PLEKHH1: variants seen among roughly 807,000 people sequenced by gnomAD.
PLEKHH1 encodes pleckstrin homology domain-containing family H member 1.
A neutral mutation model predicts 160.0 loss-of-function variants in PLEKHH1; 104 were observed. The observed-to-expected ratio is 0.65, with a 90% CI of 0.55 to 0.76. The LOEUF (loss-of-function observed/expected upper bound fraction) is 0.76, where lower values mean the gene tolerates loss of function less well. Among genes scored for constraint, PLEKHH1 ranks in the 30% least tolerant of loss-of-function variants. The pLI is 0.00. For synonymous variants in PLEKHH1, 619 were observed against 678.4 expected (o/e 0.91, Z 1.36); for missense variants, 1,427 against 1,724.1 (o/e 0.83, Z 3.05).
rs1181661120 is a variant in PLEKHH1, at chr14:67,588,499, C to A, written c.*1264C>A. 2.0e-5 allele frequency: 3 copies of A among 152,098 alleles called. No individual in the cohort carries two copies. Among genetic ancestry groups the A allele is most frequent in the Admixed American group, 2.0e-4 (3 of 15,264 alleles). The allele number at this position is 152,098 out of a possible 1,614,324, so 9.4% of individuals were successfully genotyped here. On this transcript the variant is annotated 3_prime_UTR_variant, in exon 29 of 29. Transcript: ENST00000329153. ...AAGAGTAGCAGGTAAAAAAAAGTTT[C>A]TTTCATCTTTTGCCTTACTGATAAT...
intron 7 of PLEKHH1, among the ~76,000 whole-genome samples, chr14:67,566,011 C>G (rs1041881400): frequency 5.3e-5 from 8 of 152,082 alleles, no homozygotes; most frequent in African/African-American, 1.9e-4. Context: ...TCTGGCTGCT[C>G]GGGAGCCTGA....
At chr14:67,538,218 A>G (rs973965748) in intron 1 of PLEKHH1, among the ~76,000 whole-genome samples, 6 of 152,178 alleles carry the variant, frequency 3.9e-5, no homozygotes, top group Admixed American at 6.5e-5. Flanking sequence ...CTAGCCTGTT[A>G]GTATGAGATA....
At chr14:67,553,907 G>A (rs1467816029) in intron 2 of PLEKHH1, among the ~76,000 whole-genome samples, 1 of 152,222 alleles carries the variant, frequency 6.6e-6, no homozygotes, top group Non-Finnish European at 1.5e-5. Flanking sequence ...GTTACCGCAA[G>A]AGAGGAAGGA....
chr14:67,568,967 C>G (rs1006056511), intron 7 of PLEKHH1, 171 bp from the exon 8 acceptor site: 2 of 586,352 alleles, frequency 3.4e-6, no homozygotes, highest in Non-Finnish European at 3.0e-6. Flanking sequence ...CCATTTAGAG[C>G]AGAGGAAAAT....
Position 67,555,810 on chromosome 14 carries a change from T to C in PLEKHH1, c.127-15T>C, listed in dbSNP as rs1242775318. The C allele has an allele frequency of 9.9e-6, 16 of 1,612,834 alleles. No homozygotes were observed. The highest frequency in any genetic ancestry group is 1.3e-5 in the Non-Finnish European group (15 of 1,179,418). On this transcript the variant is annotated splice_polypyrimidine_tract_variant and intron_variant, in intron 2 of 28. Transcript: ENST00000329153. ...ACATGGCACCTACATCTCCCCTTTC[T>C]CTCTGGCCAAGCAGATGCAGGAGCT...
chr14:67,587,562 G>A lies in PLEKHH1; in HGVS notation c.*327G>A, dbSNP rs2036228053. The A allele has an allele frequency of 3.0e-6, 1 of 338,090 alleles. No homozygotes were observed. The highest frequency in any genetic ancestry group is 5.6e-6 in the Non-Finnish European group (1 of 178,504). 20.9% of individuals were successfully genotyped at this position (338,090 alleles called of 1,614,324 possible). On this transcript the variant is annotated 3_prime_UTR_variant, in exon 29 of 29. Transcript: ENST00000329153. ...TCAGTGCTATAAGTTAAGGCTTTCT[G>A]CACTGGTACTCTCAAGGAAGCTAAT...
chr14:67,544,819 C>T (rs1317590895), intron 2 of PLEKHH1, among the ~76,000 whole-genome samples: 1 of 152,148 alleles, frequency 6.6e-6, no homozygotes, highest in African/African-American at 2.4e-5. Context: ...GGAAATCATC[C>T]AGAATGCTGC....
chr14:67,542,104 TC>T, intron 2 of PLEKHH1, 111 bp downstream of exon 2: 2 of 1,019,080 alleles, frequency 2.0e-6, no homozygotes, highest in South Asian at 1.7e-5. Flanking sequence ...AAGATGCTTT[TC>T]CCCATATGCA....
In PLEKHH1 at chr14:67,541,985, G is replaced by C. The variant is rs2033984824; in HGVS notation, c.118G>C (p.Ala40Pro). The C allele has an allele frequency of 6.2e-7, 1 of 1,605,306 alleles. No homozygotes were observed. The highest frequency in any genetic ancestry group is 8.5e-7 in the Non-Finnish European group (1 of 1,176,388). ...GGCCAGCAAGATAAGGGAGCTGCTG[G>C]CTGACAAGGTGAGTCCCTCAGAGCA... is the stretch of plus-strand genomic sequence containing the variant. The part of the protein sequence containing the change: ...LQASKIRELL[A>P]DKMQELEQRL... Residue 40 changes from alanine (A) to proline (P), a missense_variant, in exon 2 of 29, where the codon GCT becomes CCT. By Grantham distance (27) the Ala-to-Pro change is conservative (BLOSUM62 -1). Around this residue, in one of 6 missense-constraint regions of PLEKHH1, gnomAD observed 831 missense variants for 929.2 expected, o/e 0.89. Coordinates refer to ENST00000329153, the MANE Select transcript of PLEKHH1 (RefSeq NM_020715.3).
At chr14:67,572,361 AG>A in intron 11 of PLEKHH1, 84 bp downstream of exon 11, 2 of 1,013,816 alleles carry the variant, frequency 2.0e-6, no homozygotes, top group Non-Finnish European at 2.7e-6. Context: ...CATAGGCAGT[AG>A]CTGCCTGAAG....
intron 7 of PLEKHH1, among the ~76,000 whole-genome samples, chr14:67,568,619 A>T (rs183568910): frequency 1.6e-4 from 24 of 152,282 alleles, no homozygotes; most frequent in South Asian, 1.5e-3. Flanking sequence ...ATTATTTTTT[A>T]AAAAAAGAAA....
chr14:67,557,120 T>G, intron 3 of PLEKHH1, 149 bp from the exon 4 acceptor site: 1 of 609,026 alleles, frequency 1.6e-6, no homozygotes, highest in African/African-American at 1.9e-5. Context: ...GGAACTTAAT[T>G]GAATTAATTG....
chr14:67,579,807 T>C lies in PLEKHH1; in HGVS notation c.3114T>C (p.Ser1038=), dbSNP rs768418726. ...QEIGMRKPSH[S]GFALFTDDPS... ...TAGGCATGAGAAAGCCATCCCACTC[T>C]GGCTTTGCCCTCTTCACGGACGATC... Residue 1038 remains serine (S), a synonymous_variant, in exon 22 of 29, where the codon TCT becomes TCC. Transcript: ENST00000329153. 2 of 1,610,986 alleles carry C rather than the reference T, an allele frequency of 1.2e-6. No homozygotes were observed. Among genetic ancestry groups the C allele is most frequent in the South Asian group, 1.1e-5 (1 of 90,058 alleles).
rs1038060483 is a variant in PLEKHH1 at position 67,587,520 on chromosome 14, C to T, written c.*285C>T. 1.3e-5 allele frequency: 6 copies of T among 447,006 alleles called. No individual in the cohort carries two copies. The highest frequency in any genetic ancestry group is 3.6e-5 in the Admixed American group (1 of 28,140). 27.7% of individuals were successfully genotyped at this position (447,006 alleles called of 1,614,324 possible). ...ATTCTAGACATAGACAGGGATGATC[C>T]ACTGTTACTGAGGGCATCAGTGCTA... On this transcript the variant is annotated 3_prime_UTR_variant, in exon 29 of 29. Transcript: ENST00000329153.
At chr14:67,541,800 T>G in intron 1 of PLEKHH1, 34 bp from the exon 2 acceptor site, 2 of 1,422,390 alleles carry the variant, frequency 1.4e-6, no homozygotes, top group Non-Finnish European at 1.9e-6. Context: ...ACACGCTTAT[T>G]TATCTTTTCC....
At chr14:67,566,432 AT>A (rs1452160687) in intron 7 of PLEKHH1, among the ~76,000 whole-genome samples, 26 of 152,258 alleles carry the variant, frequency 1.7e-4, no homozygotes, top group Admixed American at 1.7e-3. Context: ...AAATACAGCC[AT>A]TCACTGTGAT....
At chr14:67,586,916 A>G in intron 28 of PLEKHH1, 158 bp from the exon 29 acceptor site, 1 of 1,538,722 alleles carries the variant, frequency 6.5e-7, no homozygotes, top group Non-Finnish European at 8.7e-7. Flanking sequence ...TCTGAACAGC[A>G]CAGTTATGAT....
chr14:67,584,209 A>G lies in PLEKHH1; in HGVS notation c.3699+85A>G, dbSNP rs540433450. 1,069 of 1,387,232 alleles carry G rather than the reference A, an allele frequency of 7.7e-4. 3 individuals are homozygous for G. Among genetic ancestry groups the G allele is most frequent in the Middle Eastern group, 5.3e-3 (21 of 3,932 alleles). The allele number at this position is 1,387,232 out of a possible 1,614,324, so 85.9% of individuals were successfully genotyped here. ...TGAGCCATACCAATTTGCAGCCCCT[A>G]CCTCCATACCAGTAACCACCAGAGG... On this transcript the variant is annotated intron_variant, in intron 26 of 28. Coordinates refer to ENST00000329153, the MANE Select transcript of PLEKHH1 (RefSeq NM_020715.3).
In PLEKHH1 at chr14:67,587,532, G is replaced by C. The variant is rs1594802085; in HGVS notation, c.*297G>C. 2.4e-6 allele frequency: 1 copy of C among 423,870 alleles called. No individual in the cohort carries two copies. Among genetic ancestry groups the C allele is most frequent in the East Asian group, 5.1e-5 (1 of 19,552 alleles). The allele number at this position is 423,870 out of a possible 1,614,324, so 26.3% of individuals were successfully genotyped here. A position where few individuals can be genotyped will look rare whatever the true frequency, so the allele number is the denominator to read the frequency against. The stretch of plus-strand genomic sequence containing the variant: ...GACAGGGATGATCCACTGTTACTGA[G>C]GGCATCAGTGCTATAAGTTAAGGCT... On this transcript the variant is annotated 3_prime_UTR_variant, in exon 29 of 29. Transcript: ENST00000329153.
Sources: gnomAD v4.1 joint callset for allele counts (sites outside exome capture counted in the v4.1 genomes callset) on GRCh38, gnomAD v4.1.1 for gene constraint, gnomAD v4.1.1 regional missense constraint, MANE v1.5 for transcripts, NCBI Gene and HGNC (gene_info 2026-07-23, HGNC 2026-07-21) for gene names.